IDO1: variants seen among roughly 807,000 people sequenced by gnomAD.
IDO1 encodes the protein indoleamine 2,3-dioxygenase 1.
IDO1 carries 35 observed loss-of-function variants against 38.8 expected under a neutral mutation model. The observed-to-expected ratio is 0.90, with a 90% CI of 0.69 to 1.20. The LOEUF (loss-of-function observed/expected upper bound fraction) is 1.20. Among genes scored for constraint, IDO1 ranks in the 50% most tolerant of loss-of-function variants. IDO1 has a pLI of 0.00. For missense variants in IDO1, 509 were observed against 485.1 expected (o/e 1.05, Z -0.46); for synonymous variants, 171 against 170.0 (o/e 1.01, Z -0.05).
Position 39,913,902 on chromosome 8 carries a change from C to T in IDO1, c.-21C>T. 1.3e-6 allele frequency: 2 copies of T among 1,532,318 alleles called. No individual in the cohort carries two copies. The highest frequency in any genetic ancestry group is 2.0e-5 in the Admixed American group (1 of 50,940). The allele number at this position is 1,532,318 out of a possible 1,614,324, so 94.9% of individuals were successfully genotyped here. On this transcript the variant is annotated 5_prime_UTR_variant, in exon 1 of 10. Coordinates refer to ENST00000518237, the MANE Select transcript of IDO1 (RefSeq NM_002164.6). ...AAAACTCTTCAGACACTGAGGGGCA[C>T]CAGAGGAGCAGACTACAAGAATGGC...
intron 5 of IDO1, among the ~76,000 whole-genome samples, chr8:39,922,117 C>T (rs986871751): frequency 2.6e-5 from 4 of 152,194 alleles, no homozygotes; most frequent in Admixed American, 6.5e-5. Context: ...TCTCCTGCCT[C>T]AGCCTCCCGA....
chr8:39,920,890 A>T (rs1807261590), intron 5 of IDO1: 1 of 152,264 alleles, frequency 6.6e-6, no homozygotes, highest in Non-Finnish European at 1.5e-5. Flanking sequence ...CACCTTGGTG[A>T]AGCTAGACTA....
intron 7 of IDO1, among the ~76,000 whole-genome samples, chr8:39,924,086 G>A (rs1306204221): frequency 6.6e-6 from 1 of 152,056 alleles, no homozygotes; most frequent in Non-Finnish European, 1.5e-5. Flanking sequence ...AAGTGCATAA[G>A]CAGTAATTTG....
intron 5 of IDO1, 139 bp from the exon 6 acceptor site, chr8:39,922,413 A>G: frequency 1.5e-6 from 1 of 646,270 alleles, no homozygotes; most frequent in South Asian, 1.8e-5. Flanking sequence ...AATATTCCCA[A>G]CTACATAATG....
chr8:39,928,253 G>T lies in IDO1; in HGVS notation c.*68G>T. On this transcript the variant is annotated 3_prime_UTR_variant, in exon 10 of 10. Transcript: ENST00000518237. The stretch of plus-strand genomic sequence containing the variant: ...GTATGCATTCCTGTCATTACCCATT[G>T]TAACAGAGCCACAAACTAATACTAT... 1 of 1,110,554 alleles carries T rather than the reference G, an allele frequency of 9.0e-7. No individual in the cohort carries two copies. Among genetic ancestry groups the T allele is most frequent in the Non-Finnish European group, 1.3e-6 (1 of 775,112 alleles). The allele number at this position is 1,110,554 out of a possible 1,614,324, so 68.8% of individuals were successfully genotyped here. A position where few individuals can be genotyped will look rare whatever the true frequency, so the allele number is the denominator to read the frequency against.
intron 1 of IDO1, among the ~76,000 whole-genome samples, chr8:39,916,122 C>T (rs558619202): frequency 2.9e-4 from 44 of 152,034 alleles, no homozygotes; most frequent in African/African-American, 7.7e-4. Context: ...GCTGAGATCA[C>T]GCCACCGCAC....
At chr8:39,923,713 T>C (rs771136743) in intron 7 of IDO1, 127 bp downstream of exon 7, 2 of 559,872 alleles carry the variant, frequency 3.6e-6, no homozygotes, top group Non-Finnish European at 6.4e-6. Flanking sequence ...TATTTTATCT[T>C]ACTAAACCAT....
intron 6 of IDO1, among the ~76,000 whole-genome samples, chr8:39,923,143 C>T (rs1045773580): frequency 1.3e-5 from 2 of 152,084 alleles, no homozygotes; most frequent in East Asian, 1.9e-4. Flanking sequence ...GTGGCTCACA[C>T]CTGTAATCCC....
Position 39,928,767 on chromosome 8 carries a change from T to C in IDO1, c.*582T>C, listed in dbSNP as rs1247026050. Reference sequence around the variant, plus strand: ...AAAAAAAAGATATATTCTGTCATAATAAATAAAAATGCATAAGATATAATA... The same window carrying C: ...AAAAAAAAGATATATTCTGTCATAACAAATAAAAATGCATAAGATATAATA... On this transcript the variant is annotated 3_prime_UTR_variant, in exon 10 of 10. Transcript: ENST00000518237. Among the ~76,000 whole-genome samples, 1 of 151,760 alleles carries C rather than the reference T, an allele frequency of 6.6e-6. No homozygotes were observed. Among genetic ancestry groups the C allele is most frequent in the Non-Finnish European group, 1.5e-5 (1 of 67,916 alleles).
intron 9 of IDO1, among the ~76,000 whole-genome samples, chr8:39,926,719 A>G (rs1469118510): frequency 6.6e-6 from 1 of 152,128 alleles, no homozygotes; most frequent in African/African-American, 2.4e-5. Context: ...CAGGGGATAC[A>G]TGTGCAGGCT....
chr8:39,925,433 T>G (rs903345405), intron 9 of IDO1, 62 bp downstream of exon 9: 17 of 1,448,986 alleles, frequency 1.2e-5, no homozygotes, highest in Non-Finnish European at 1.3e-5. Flanking sequence ...TTTGGATATC[T>G]ACAAAGCACC....
chr8:39,921,466 A>G (rs1482152534), intron 5 of IDO1, among the ~76,000 whole-genome samples: 2 of 152,212 alleles, frequency 1.3e-5, no homozygotes, highest in African/African-American at 2.4e-5. Flanking sequence ...AAATTAAAAT[A>G]AAAATAAATA....
intron 1 of IDO1, among the ~76,000 whole-genome samples, chr8:39,917,255 G>T (rs2129592108): frequency 6.6e-6 from 1 of 152,300 alleles, no homozygotes; most frequent in East Asian, 1.9e-4. Context: ...CAGCACTTTG[G>T]GAGGCCGAGG....
chr8:39,921,121 G>A (rs1456297416), intron 5 of IDO1, among the ~76,000 whole-genome samples: 2 of 152,166 alleles, frequency 1.3e-5, no homozygotes, highest in Non-Finnish European at 2.9e-5. Context: ...ATCTTGGTGC[G>A]TTATCAAAGC....
At chr8:39,923,953 G>A (rs114670174) in intron 7 of IDO1, 193 of 156,438 alleles carry the variant, frequency 1.2e-3, no homozygotes, top group African/African-American at 4.5e-3. Context: ...GCTTCTGCTT[G>A]ATAAGAACTC....
At position 39,923,478 on chromosome 8, in the gene IDO1, A is replaced by G. The variant is rs1807308852; in HGVS notation, c.547A>G (p.Thr183Ala). Residue 183 changes from threonine to alanine, a missense_variant, in exon 7 of 10, where the codon ACT becomes GCT. Thr to Ala is a moderately conservative substitution (Grantham distance 58). Transcript: ENST00000518237. ...TGTTTGTTTGTTTTAGGTAATTCCT[A>G]CTGTATTCAAGGCAATGCAAATGCA... is the stretch of plus-strand genomic sequence containing the variant. ...AAASAIKVIP[T>A]VFKAMQMQER... is the part of the protein sequence containing the mutation. 3 of 1,575,586 alleles carry G rather than the reference A, an allele frequency of 1.9e-6. No individual in the cohort carries two copies. The highest frequency in any genetic ancestry group is 1.3e-5 in the African/African-American group (1 of 74,114).
At chr8:39,916,295 G>A (rs1369091724) in intron 1 of IDO1, among the ~76,000 whole-genome samples, 1 of 152,032 alleles carries the variant, frequency 6.6e-6, no homozygotes, top group African/African-American at 2.4e-5. Context: ...GGCCAACATG[G>A]TGAAACCCCT....
chr8:39,926,786 C>A (rs1474353292), intron 9 of IDO1, among the ~76,000 whole-genome samples: 1 of 152,020 alleles, frequency 6.6e-6, no homozygotes, highest in Non-Finnish European at 1.5e-5. Context: ...ATCCCCTCAC[C>A]CAAGTATAGA....
chr8:39,920,013 A>G (rs1807248305), intron 4 of IDO1, 87 bp from the exon 5 acceptor site: 54 of 1,190,060 alleles, frequency 4.5e-5, no homozygotes, highest in Non-Finnish European at 6.1e-5. Flanking sequence ...ATTCAATCAA[A>G]TAGCAACAAC....
Sources: gnomAD v4.1 joint callset for allele counts (sites outside exome capture counted in the v4.1 genomes callset) on GRCh38, gnomAD v4.1.1 for gene constraint, MANE v1.5 for transcripts, NCBI Gene and HGNC (gene_info 2026-07-23, HGNC 2026-07-21) for gene names.